ABCB1: variants seen among roughly 807,000 people sequenced by gnomAD.
ABCB1 encodes the protein ATP binding cassette subfamily B member 1.
A neutral mutation model predicts 142.0 loss-of-function variants in ABCB1; 69 were observed. The ratio of observed to expected loss-of-function variants is 0.49; its 90% CI spans 0.40 to 0.59. The LOEUF is 0.59. ABCB1 is among the 20% of genes least tolerant of loss of function. ABCB1 has a pLI of 0.00. For synonymous variants in ABCB1, 532 were observed against 539.2 expected, an observed-to-expected ratio of 0.99 and a Z score of 0.18; for missense variants, 1,326 against 1,554.7, an observed-to-expected ratio of 0.85 and a Z score of 2.47.
upstream of ABCB1, chr7:87,602,938 C>T (rs1819514536): frequency 6.6e-6 from 1 of 152,176 alleles, no homozygotes; most frequent in Admixed American, 6.5e-5. Flanking sequence ...CTTAAGCTTC[C>T]TTAATTTCTG....
At chr7:87,572,041 G>T (rs1438879777) in intron 4 of ABCB1, among the ~76,000 whole-genome samples, 1 of 152,308 alleles carries the variant, frequency 6.6e-6, no homozygotes, top group East Asian at 1.9e-4. Flanking sequence ...AACTTTTTCA[G>T]ATTGAATTTT....
intron 5 of ABCB1, 34 bp downstream of exon 5, chr7:87,570,138 A>C: frequency 1.9e-6 from 3 of 1,592,656 alleles, no homozygotes; most frequent in Non-Finnish European, 2.6e-6. Context: ...GAATATAGAA[A>C]AACTTAACAA....
At chr7:87,685,323 A>G (rs1000039130) in intron 1 of ABCB1, among the ~76,000 whole-genome samples, 3 of 152,234 alleles carry the variant, frequency 2.0e-5, no homozygotes, top group African/African-American at 7.2e-5. Context: ...ATGGCAAGTA[A>G]ACAAATGAAA....
intron 26 of ABCB1, among the ~76,000 whole-genome samples, chr7:87,506,891 C>T (rs548173608): frequency 5.9e-5 from 9 of 152,310 alleles, no homozygotes; most frequent in Admixed American, 2.6e-4. Flanking sequence ...AGGGAGAAGA[C>T]GCCAGATGAG....
At chr7:87,662,409 A>G (rs1050222654) in intron 1 of ABCB1, among the ~76,000 whole-genome samples, 3 of 152,208 alleles carry the variant, frequency 2.0e-5, no homozygotes, top group Admixed American at 6.5e-5. Flanking sequence ...TATTTAATCC[A>G]TTTTGATTTG....
At chr7:87,539,208 T>C in intron 19 of ABCB1, 60 bp downstream of exon 19, 6 of 1,538,084 alleles carry the variant, frequency 3.9e-6, no homozygotes, top group Non-Finnish European at 4.5e-6. Context: ...ACTGTCTGAG[T>C]CCAAGGGGCA....
intron 20 of ABCB1, among the ~76,000 whole-genome samples, chr7:87,532,803 G>A (rs966501648): frequency 1.3e-5 from 2 of 151,990 alleles, no homozygotes; most frequent in Non-Finnish European, 2.9e-5. Context: ...CTGTGGATTC[G>A]CCTTGAATTC....
rs529314322 is a variant in ABCB1, at chr7:87,626,269, T to TA, written c.-330-25192_-330-25191insT. Among the ~76,000 whole-genome samples the TA allele has an allele frequency of 9.9e-3, 479 of 48,370 alleles. 138 individuals carry two copies. Among genetic ancestry groups the TA allele is most frequent in the South Asian group, 0.02 (18 of 898 alleles). The allele number at this position is 48,370 out of a possible 152,430, so 31.7% of individuals were successfully genotyped here. A position where few individuals can be genotyped will look rare whatever the true frequency, so the allele number is the denominator to read the frequency against. ...ATATGTCATATATATGTGTCATATA[T>TA]GTGTCATATATATGTGTCATATATG... On this transcript the variant is annotated intron_variant, in intron 1 of 28. Coordinates refer to the ABCB1 transcript ENST00000265724.
At chr7:87,625,944 CTATA>C (rs1354860869) in intron 1 of ABCB1, among the ~76,000 whole-genome samples, 1 of 148,080 alleles carries the variant, frequency 6.8e-6, no homozygotes, top group East Asian at 2.0e-4. Flanking sequence ...AAGACTGACA[CTATA>C]TACGTATGGC....
In ABCB1 at chr7:87,503,314, C is replaced by G. The variant is rs369619409; in HGVS notation, c.*929G>C. Among the ~76,000 whole-genome samples, 23 of 152,008 alleles carry G rather than the reference C, an allele frequency of 1.5e-4. No individual in the cohort carries two copies. Among genetic ancestry groups the G allele is most frequent in the African/African-American group, 5.3e-4 (22 of 41,486 alleles). On this transcript the variant is annotated 3_prime_UTR_variant, in exon 28 of 28. Transcript: ENST00000622132. Reference sequence around the variant, plus strand: ...AAAATTTGTCGTCCAGAGTCCCAACCTTTGGAATATATTTTTTTCTTTTTT... The same window carrying G: ...AAAATTTGTCGTCCAGAGTCCCAACGTTTGGAATATATTTTTTTCTTTTTT...
intron 1 of ABCB1, chr7:87,628,589 GTGT>G: frequency 2.9e-5 from 1 of 34,458 alleles, no homozygotes; most frequent in Non-Finnish European, 5.1e-5. Flanking sequence ...GCGTGCGTGT[GTGT>G]GTGTGTGTGT....
chr7:87,628,974 G>A (rs752975313), intron 1 of ABCB1: 47 of 1,305,942 alleles, frequency 3.6e-5, no homozygotes, highest in Admixed American at 6.2e-5. Flanking sequence ...AGGGGAACCA[G>A]CCTCCCGCCG....
In ABCB1 at chr7:87,631,031, G is replaced by C. The variant is rs1365690106; in HGVS notation, c.-330-29953C>G. On this transcript the variant is annotated intron_variant, in intron 1 of 28. Transcript: ENST00000265724. ...GTGAAATGAATATGTGCTAACTTTA[G>C]TTACAGTTTACACATAGATTTAGTG... 4.6e-5 allele frequency among the ~76,000 whole-genome samples: 7 copies of C among 152,210 alleles called. No homozygotes were observed. The East Asian group carries it at 1.4e-3, about 29-fold the overall frequency.
intron 2 of ABCB1, among the ~76,000 whole-genome samples, chr7:87,599,112 A>T (rs1819331042): frequency 6.6e-6 from 1 of 152,158 alleles, no homozygotes; most frequent in African/African-American, 2.4e-5. Context: ...TTTTTCTCTT[A>T]CACTGAAAAG....
At chr7:87,626,426 T>C (rs566860225) in intron 1 of ABCB1, among the ~76,000 whole-genome samples, 1 of 23,086 alleles carries the variant, frequency 4.3e-5, no homozygotes, top group Admixed American at 6.1e-4. Context: ...ATATGTGTCA[T>C]ATGTATGTGT....
At chr7:87,695,242 T>C (rs1185233551) in intron 1 of ABCB1, among the ~76,000 whole-genome samples, 1 of 152,148 alleles carries the variant, frequency 6.6e-6, no homozygotes, top group African/African-American at 2.4e-5. Context: ...AATTTTACCT[T>C]CAAAGCTGGA....
chr7:87,659,138 G>A (rs1824434552), intron 1 of ABCB1: 4 of 370,774 alleles, frequency 1.1e-5, no homozygotes, highest in Admixed American at 3.3e-5. Context: ...ATCTAGCCTG[G>A]GCAATAGAAT....
At chr7:87,592,163 G>A (rs1819025203) in intron 3 of ABCB1, among the ~76,000 whole-genome samples, 2 of 152,156 alleles carry the variant, frequency 1.3e-5, no homozygotes, top group African/African-American at 4.8e-5. Context: ...GCTCCATGAA[G>A]GGCATCAGTG....
chr7:87,568,242 C>CAGTAATAATAATAATAATAACAAT, intron 5 of ABCB1, among the ~76,000 whole-genome samples: 1 of 135,956 alleles, frequency 7.4e-6, no homozygotes, highest in East Asian at 2.2e-4. Flanking sequence ...AAAAATACGA[C>CAGTAATAATAATAATAATAACAAT]AATAATAATA....
Sources: allele counts gnomAD v4.1 joint callset (sites outside exome capture counted in the v4.1 genomes callset), GRCh38; gene constraint gnomAD v4.1.1; transcripts MANE v1.5; gene names NCBI Gene and HGNC (gene_info 2026-07-23, HGNC 2026-07-21).